The following SDHA variants were observed in gnomAD, a reference collection of about 807,000 sequenced individuals.
SDHA encodes succinate dehydrogenase complex flavoprotein subunit A, also known as succinate dehydrogenase [ubiquinone] flavoprotein subunit, mitochondrial.
SDHA carries 48 observed loss-of-function variants against 78.4 expected under a neutral mutation model. The observed-to-expected ratio is 0.61, with a 90% CI of 0.49 to 0.78. SDHA has a LOEUF of 0.78. Ranked by LOEUF, SDHA falls within the 30% of genes least tolerant of loss-of-function variation. The pLI is 0.00. For synonymous variants in SDHA, 326 were observed against 353.9 expected, an observed-to-expected ratio of 0.92 and a Z score of 0.88; for missense variants, 680 against 892.7, an observed-to-expected ratio of 0.76 and a Z score of 3.04.
downstream of SDHA, among the ~76,000 whole-genome samples, chr5:259,662 G>C (rs1343843491): frequency 7.4e-4 from 16 of 21,664 alleles, no homozygotes; most frequent in Admixed American, 1.3e-3. Context: ...TCCGCCTCCC[G>C]CCAGAGCATT....
chr5:237,315 C>T (rs1386720596), intron 10 of SDHA, among the ~76,000 whole-genome samples: 2 of 134,492 alleles, frequency 1.5e-5, no homozygotes, highest in Non-Finnish European at 3.0e-5. Context: ...GTAATTTAGG[C>T]CATTCTAGAA....
At chr5:261,674 C>T (rs1170134324), downstream of SDHA, among the ~76,000 whole-genome samples, 1 of 83,604 alleles carries the variant, frequency 1.2e-5, no homozygotes. Flanking sequence ...AGCTCCGCCT[C>T]CCGTCACAGC....
In SDHA at chr5:236,166, A is replaced by C. The variant is rs539964585; in HGVS notation, c.1261-262A>C. On this transcript the variant is annotated intron_variant, in intron 9 of 14. Coordinates refer to ENST00000264932, the MANE Select transcript of SDHA (RefSeq NM_004168.4). ...CAGCCTCCCTAGTAGCTGGGATTACAGGCACCCGCCATTATGCCCCGCTAA... is the reference window on the plus strand; with the variant it reads ...CAGCCTCCCTAGTAGCTGGGATTACCGGCACCCGCCATTATGCCCCGCTAA... The C allele has an allele frequency of 1.0e-4, 50 of 481,412 alleles. No homozygotes were observed. In the East Asian group the frequency reaches 2.0e-3, roughly 19 times the overall value. The allele number at this position is 481,412 out of a possible 1,614,324, so 29.8% of individuals were successfully genotyped here.
intron 14 of SDHA, among the ~76,000 whole-genome samples, chr5:255,197 G>A (rs1302689028): frequency 1.5e-5 from 2 of 133,688 alleles, no homozygotes; most frequent in African/African-American, 3.3e-5. Flanking sequence ...ATTTCCGCTG[G>A]GCATTAAGAT....
rs771662494 is a variant in SDHA, at chr5:224,509, T to C, written c.300T>C (p.Thr100=). The change falls in exon 3 of 15, where the codon ACT becomes ACC. Residue 100 remains threonine (T), a synonymous_variant. Transcript: ENST00000264932. The part of the protein sequence containing the change: ...VTKLFPTRSH[T]VAAQGGINAA... ...AGCTGTTTCCTACCAGGTCACACAC[T>C]GTTGCAGCACAGGTAAGAGAAAGGT... 5.2e-5 allele frequency: 84 copies of C among 1,612,562 alleles called. No homozygotes were observed. The highest frequency in any genetic ancestry group is 7.0e-5 in the Non-Finnish European group (82 of 1,179,850).
At chr5:254,734 C>T (rs1030100148) in intron 14 of SDHA, among the ~76,000 whole-genome samples, 3 of 152,126 alleles carry the variant, frequency 2.0e-5, no homozygotes, top group African/African-American at 7.2e-5. Context: ...GGAAGGGTTG[C>T]TCCGTGGTGT....
rs1332661121 is a variant in SDHA, at chr5:229,745, CATTATACAGCATGGTGGTT to C, written c.771-1129_771-1111del. ...TATACAGCATGGTGGCTATAGTTAA[CATTATACAGCATGGTGGTT>C]AGAGTTAACATTATACAGCATGGTG... On this transcript the variant is annotated intron_variant, in intron 6 of 14. Transcript: ENST00000264932. Among the ~76,000 whole-genome samples, 880 of 147,400 alleles carry C rather than the reference CATTATACAGCATGGTGGTT, an allele frequency of 6.0e-3. 13 individuals are homozygous for C. The highest frequency in any genetic ancestry group is 0.021 in the African/African-American group (829 of 39,006).
chr5:262,683 T>A, the SDHA span, among the ~76,000 whole-genome samples: 2 of 152,242 alleles, frequency 1.3e-5, no homozygotes, highest in African/African-American at 4.8e-5. Context: ...AATAACCAAA[T>A]ACTAAAAGAA....
At chr5:253,858 G>C (rs1249643139) in intron 13 of SDHA, among the ~76,000 whole-genome samples, 4 of 152,104 alleles carry the variant, frequency 2.6e-5, no homozygotes, top group Admixed American at 2.0e-4. Context: ...CCCCAGAGTT[G>C]TAGACCAGCC....
At chr5:250,923 AAGTT>A (rs1736779895) in intron 11 of SDHA, 65 bp from the exon 12 acceptor site, 1 of 1,311,084 alleles carries the variant, frequency 7.6e-7, no homozygotes, top group Admixed American at 1.7e-5. Flanking sequence ...ACAGGTCTAA[AAGTT>A]AAGCAGTTCT....
At chr5:252,984 T>G (rs946089212) in intron 13 of SDHA, 1 of 152,496 alleles carries the variant, frequency 6.6e-6, no homozygotes, top group African/African-American at 2.4e-5. Flanking sequence ...AGACCTGTCC[T>G]GTGGTTTGGA....
At chr5:257,440 G>T (rs896449311), downstream of SDHA, among the ~76,000 whole-genome samples, 6 of 144,788 alleles carry the variant, frequency 4.1e-5, 1 homozygote. Context: ...GAGCATTACC[G>T]TGTGAGCTCC....
chr5:250,981 T>C lies in SDHA; in HGVS notation c.1552-11T>C. ...GGATTAAAAGTTTACAAATAATATT[T>C]TGTGCCACAGTCAATGCAAAATCAT... On this transcript the variant is annotated splice_polypyrimidine_tract_variant and intron_variant, in intron 11 of 14. Coordinates refer to ENST00000264932, the MANE Select transcript of SDHA (RefSeq NM_004168.4). 1.9e-6 allele frequency: 3 copies of C among 1,609,338 alleles called. No individual in the cohort carries two copies. Among genetic ancestry groups the C allele is most frequent in the Non-Finnish European group, 1.7e-6 (2 of 1,177,402 alleles).
intron 5 of SDHA, 64 bp downstream of exon 5, chr5:226,111 G>C (rs1735008648): frequency 1.3e-6 from 2 of 1,574,230 alleles, no homozygotes; most frequent in Non-Finnish European, 1.7e-6. Flanking sequence ...TGACAGTGGG[G>C]AATGGGTTAG....
In SDHA at chr5:256,529, A is replaced by G. The variant is rs1737207514; in HGVS notation, c.*109A>G. 1 of 1,026,310 alleles carries G rather than the reference A, an allele frequency of 9.7e-7. No homozygotes were observed. Among genetic ancestry groups the G allele is most frequent in the Admixed American group, 1.9e-5 (1 of 52,912 alleles). 63.6% of individuals were successfully genotyped at this position (1,026,310 alleles called of 1,614,324 possible). On this transcript the variant is annotated 3_prime_UTR_variant, in exon 15 of 15. Coordinates refer to ENST00000264932, the MANE Select transcript of SDHA (RefSeq NM_004168.4). Reference sequence around the variant, plus strand: ...CATACGCTTCTGCACTCTGGGGAAGAAGGAGTACATTGAAGGGAGATTGGC... The same window carrying G: ...CATACGCTTCTGCACTCTGGGGAAGGAGGAGTACATTGAAGGGAGATTGGC...
chr5:233,880 T>C, intron 8 of SDHA: 1 of 500,808 alleles, frequency 2.0e-6, no homozygotes, highest in South Asian at 2.0e-5. Flanking sequence ...TTAGTGTGTG[T>C]GAGTATGTGA....
At chr5:252,034 T>G (rs1338431439) in intron 13 of SDHA, among the ~76,000 whole-genome samples, 1 of 148,298 alleles carries the variant, frequency 6.7e-6, no homozygotes, top group Non-Finnish European at 1.5e-5. Flanking sequence ...AGCCACCGTT[T>G]CAGACCTGCC....
At chr5:226,928 CAAAAAA>C (rs554077502) in intron 5 of SDHA, among the ~76,000 whole-genome samples, 2 of 82,508 alleles carry the variant, frequency 2.4e-5, no homozygotes, top group Non-Finnish European at 2.5e-5. Context: ...GACTCCATCT[CAAAAAA>C]AAAAAAAAAA....
intron 11 of SDHA, chr5:250,465 A>C (rs934557562): frequency 9.3e-6 from 2 of 215,350 alleles, no homozygotes; most frequent in African/African-American, 4.7e-5. Context: ...AGATAGGCAG[A>C]AGACAGTAGC....
Sources: allele counts gnomAD v4.1 joint callset (sites outside exome capture counted in the v4.1 genomes callset), GRCh38; gene constraint gnomAD v4.1.1; transcripts MANE v1.5; gene names NCBI Gene and HGNC (gene_info 2026-07-23, HGNC 2026-07-21).